TMEM178A: variants seen among roughly 807,000 people sequenced by gnomAD.
TMEM178A encodes transmembrane protein 178.
A neutral mutation model predicts 29.1 loss-of-function variants in TMEM178A; 12 were observed. The ratio of observed to expected loss-of-function variants is 0.41; its 90% CI spans 0.26 to 0.67. The LOEUF is 0.67. Among genes scored for constraint, TMEM178A ranks in the 30% least tolerant of loss-of-function variants. The pLI, the probability that TMEM178A is intolerant of heterozygous loss-of-function variation, is 0.29. For missense variants in TMEM178A, 366 were observed against 419.1 expected (o/e 0.87, Z 1.11); for synonymous variants, 210 against 187.2 (o/e 1.12, Z -0.99).
At chr2:39,688,787 C>A (rs1314588116) in intron 1 of TMEM178A, among the ~76,000 whole-genome samples, 1 of 152,168 alleles carries the variant, frequency 6.6e-6, no homozygotes, top group Non-Finnish European at 1.5e-5. Context: ...AGAAATACAA[C>A]TCTGTCAGTT....
intron 1 of TMEM178A, among the ~76,000 whole-genome samples, chr2:39,667,462 T>A (rs1056579812): frequency 3.7e-5 from 5 of 134,592 alleles, no homozygotes; most frequent in South Asian, 2.4e-4. Flanking sequence ...AAAAAAAAAA[T>A]CAACATCTCT....
chr2:39,723,847 A>G, the TMEM178A span, among the ~76,000 whole-genome samples: 367 of 152,298 alleles, frequency 2.4e-3, 1 homozygote, highest in Non-Finnish European at 4.3e-3. Flanking sequence ...GCATTTCCAT[A>G]GTGCATTTCT....
At chr2:39,708,224 G>A (rs1445451948) in intron 3 of TMEM178A, among the ~76,000 whole-genome samples, 1 of 152,034 alleles carries the variant, frequency 6.6e-6, no homozygotes, top group Non-Finnish European at 1.5e-5. Flanking sequence ...GAAACCGCCA[G>A]TGCCAAACCT....
intron 1 of TMEM178A, among the ~76,000 whole-genome samples, chr2:39,697,226 A>G (rs1039377979): frequency 6.6e-6 from 1 of 152,218 alleles, no homozygotes; most frequent in East Asian, 1.9e-4. Context: ...TGTTCTGTCA[A>G]GCAACTACAG....
In TMEM178A at chr2:39,682,386, T is replaced by TC. The variant is rs568636291; in HGVS notation, c.400+16012_400+16013insC. ...TAAATGATGCAGTTTACTATGTTTT[T>TC]TTTTTTTAAATATTGTGCTTGTTTT... On this transcript the variant is annotated intron_variant, in intron 1 of 3. Coordinates refer to ENST00000281961, the MANE Select transcript of TMEM178A (RefSeq NM_152390.3). 3.7e-3 allele frequency among the ~76,000 whole-genome samples: 563 copies of TC among 152,256 alleles called. 4 individuals carry two copies. Among genetic ancestry groups the TC allele is most frequent in the African/African-American group, 0.013 (525 of 41,536 alleles).
chr2:39,701,499 G>C (rs1295013168), intron 1 of TMEM178A, among the ~76,000 whole-genome samples: 1 of 152,056 alleles, frequency 6.6e-6, no homozygotes, highest in African/African-American at 2.4e-5. Flanking sequence ...GCTTTCAACA[G>C]TTTGATTATG....
At chr2:39,712,662 C>CCTCTCT (rs61349730) in intron 3 of TMEM178A, among the ~76,000 whole-genome samples, 1 of 148,474 alleles carries the variant, frequency 6.7e-6, no homozygotes, top group African/African-American at 2.5e-5. Context: ...GACTCAGGAA[C>CCTCTCT]CTCTCTCTCT....
intron 1 of TMEM178A, among the ~76,000 whole-genome samples, chr2:39,697,379 G>A (rs1001526562): frequency 6.6e-6 from 1 of 152,206 alleles, no homozygotes; most frequent in Non-Finnish European, 1.5e-5. Flanking sequence ...TTAAGAACAA[G>A]GACATAAAAC....
At chr2:39,707,027 T>C (rs569342972) in intron 2 of TMEM178A, 22 bp from the exon 3 acceptor site, 4 of 1,587,872 alleles carry the variant, frequency 2.5e-6, no homozygotes, top group African/African-American at 2.7e-5. Context: ...ATTGTGAATG[T>C]CTGTGTCTGT....
At chr2:39,685,372 G>A (rs1355553306) in intron 1 of TMEM178A, among the ~76,000 whole-genome samples, 1 of 152,134 alleles carries the variant, frequency 6.6e-6, no homozygotes, top group African/African-American at 2.4e-5. Flanking sequence ...TATGGCTCAG[G>A]CACCCTGTTC....
At position 39,697,360 on chromosome 2, in the gene TMEM178A, A is replaced by C. The variant is rs566100878; in HGVS notation, c.401-6721A>C. ...ATCTGACTTTCTGCTATGACAGTGG[A>C]ACAAGTGTTTAAGAACAAGGACATA... On this transcript the variant is annotated intron_variant, in intron 1 of 3. Coordinates refer to ENST00000281961, the MANE Select transcript of TMEM178A (RefSeq NM_152390.3). 5.9e-5 allele frequency among the ~76,000 whole-genome samples: 9 copies of C among 152,314 alleles called. No homozygotes were observed. In the South Asian group the frequency reaches 1.7e-3, roughly 28 times the overall value.
rs762054749 is a variant in TMEM178A, at chr2:39,704,112, C to T, written c.432C>T (p.Tyr144=). 1 of 1,614,096 alleles carries T rather than the reference C, an allele frequency of 6.2e-7. No homozygotes were observed. The highest frequency in any genetic ancestry group is 1.1e-5 in the South Asian group (1 of 91,068). The change falls in exon 2 of 4, where the codon TAC becomes TAT. Residue 144 remains tyrosine (Y), a synonymous_variant. Coordinates refer to ENST00000281961, the MANE Select transcript of TMEM178A (RefSeq NM_152390.3). ...CGCAGCGATGCACGGCCATCAAGTA[C>T]CACTTTTCTCAGCCCATCCGCTTGC... ...GIAQRCTAIK[Y]HFSQPIRLRN...
At chr2:39,678,558 GA>G (rs1670728934) in intron 1 of TMEM178A, among the ~76,000 whole-genome samples, 1 of 152,108 alleles carries the variant, frequency 6.6e-6, no homozygotes, top group South Asian at 2.1e-4. Flanking sequence ...ACAGGGAGGG[GA>G]TAATAGGGAG....
At chr2:39,713,173 G>A (rs1043982782) in intron 3 of TMEM178A, among the ~76,000 whole-genome samples, 2 of 152,172 alleles carry the variant, frequency 1.3e-5, no homozygotes, top group African/African-American at 4.8e-5. Flanking sequence ...GTTGAACTGA[G>A]TCCAATTGTG....
At chr2:39,681,175 C>T (rs973066784) in intron 1 of TMEM178A, among the ~76,000 whole-genome samples, 2 of 152,156 alleles carry the variant, frequency 1.3e-5, no homozygotes, top group African/African-American at 4.8e-5. Flanking sequence ...TTTAGTCATA[C>T]GTGGCAATGA....
the TMEM178A span, among the ~76,000 whole-genome samples, chr2:39,727,235 C>A: frequency 6.6e-6 from 1 of 152,190 alleles, no homozygotes; most frequent in Admixed American, 6.5e-5. Flanking sequence ...GCCATTCAGG[C>A]AGGGCCAGTT....
At chr2:39,730,387 C>T in the TMEM178A span, among the ~76,000 whole-genome samples, 1 of 152,142 alleles carries the variant, frequency 6.6e-6, no homozygotes, top group African/African-American at 2.4e-5. Flanking sequence ...CCTTGCCTCT[C>T]CCTGGCAGGG....
intron 1 of TMEM178A, among the ~76,000 whole-genome samples, chr2:39,681,176 G>GT (rs1279428017): frequency 6.6e-6 from 1 of 152,104 alleles, no homozygotes; most frequent in Non-Finnish European, 1.5e-5. Flanking sequence ...TTAGTCATAC[G>GT]TGGCAATGAT....
At chr2:39,713,092 A>C (rs1368422072) in intron 3 of TMEM178A, among the ~76,000 whole-genome samples, 1 of 152,186 alleles carries the variant, frequency 6.6e-6, no homozygotes, top group Non-Finnish European at 1.5e-5. Flanking sequence ...AGAGATCCCT[A>C]TGACCTTTTC....
Sources: allele counts gnomAD v4.1 joint callset (sites outside exome capture counted in the v4.1 genomes callset), GRCh38; gene constraint gnomAD v4.1.1; transcripts MANE v1.5; gene names NCBI Gene and HGNC (gene_info 2026-07-23, HGNC 2026-07-21).